Variants in KCTD17 observed in about 807,000 individuals in gnomAD.
KCTD17 encodes the protein potassium channel tetramerization domain containing 17, also known as BTB/POZ domain-containing protein KCTD17.
A neutral mutation model predicts 41.5 loss-of-function variants in KCTD17; 20 were observed. That is an observed-to-expected ratio of 0.48 (90% CI 0.34 to 0.70). KCTD17 has a LOEUF of 0.70. Among genes scored for constraint, KCTD17 ranks in the 30% least tolerant of loss-of-function variants. The pLI is 0.01. For synonymous variants in KCTD17, 156 were observed against 173.8 expected, an observed-to-expected ratio of 0.90 and a Z score of 0.80; for missense variants, 317 against 427.2, an observed-to-expected ratio of 0.74 and a Z score of 2.27.
In KCTD17 at chr22:37,053,371, G is replaced by A. The variant is rs967181930; in HGVS notation, c.298+163G>A. Among the ~76,000 whole-genome samples the A allele has an allele frequency of 1.3e-5, 2 of 152,212 alleles. No individual in the cohort carries two copies. Among genetic ancestry groups the A allele is most frequent in the Admixed American group, 6.5e-5 (1 of 15,286 alleles). On this transcript the variant is annotated intron_variant, in intron 2 of 8. Transcript: ENST00000403888. This position sits in a 1 kb window ranked among gnomAD's most constrained non-coding sequence, Gnocchi z 4.1. Reference sequence around the variant, plus strand: ...TGATTCCCAAGCATCTGCCTGTGCCGAGCCTGGGGCTCTGCCAAGCGGACG... The same window carrying A: ...TGATTCCCAAGCATCTGCCTGTGCCAAGCCTGGGGCTCTGCCAAGCGGACG...
chr22:37,062,110 G>A, intron 8 of KCTD17: 3 of 983,000 alleles, frequency 3.1e-6, no homozygotes, highest in Non-Finnish European at 3.6e-6. Flanking sequence ...CCCTCTCTGG[G>A]CCACAATTGC....
At chr22:37,062,414 C>T in intron 8 of KCTD17, 111 bp from the exon 9 acceptor site, 2 of 1,318,086 alleles carry the variant, frequency 1.5e-6, no homozygotes, top group South Asian at 1.7e-5. Flanking sequence ...CTCTCTCCCT[C>T]TCCCCCACCC....
In KCTD17 at chr22:37,058,300, G is replaced by A. The variant is rs149106452; in HGVS notation, c.486+807G>A. 2.8e-3 allele frequency among the ~76,000 whole-genome samples: 433 copies of A among 152,332 alleles called. 4 individuals carry two copies. Among genetic ancestry groups the A allele is most frequent in the African/African-American group, 1.0e-2 (414 of 41,574 alleles). On this transcript the variant is annotated intron_variant, in intron 4 of 8. Transcript: ENST00000403888. ...AGAATGGGCCTAGTGCAGAGCCAGA[G>A]GCCTGGCTTCACCTCTAGGCCTTGC...
intron 1 of KCTD17, 141 bp from the exon 2 acceptor site, chr22:37,052,959 C>G (rs1277708186): frequency 4.6e-6 from 3 of 654,276 alleles, no homozygotes; most frequent in Non-Finnish European, 8.2e-6. Flanking sequence ...TCCATCTGAC[C>G]CCAGTGCCTT....
chr22:37,056,404 T>G lies in KCTD17; in HGVS notation c.383T>G (p.Val128Gly). Residue 128 changes from valine to glycine, a missense_variant, in exon 3 of 9, where the codon GTC becomes GGC. Coordinates refer to ENST00000403888, the MANE Select transcript of KCTD17 (RefSeq NM_001282684.2). ...CGGATGGAAGAGAAGGACTACACGG[T>G]CACCCAGGTCGGGAGCAGGGGCAGC... is the stretch of plus-strand genomic sequence containing the variant. ...KDRMEEKDYT[V>G]TQVPPKHVYR... The G allele has an allele frequency of 6.2e-7, 1 of 1,613,072 alleles. No homozygotes were observed.
Position 37,061,486 on chromosome 22 carries a change from C to A in KCTD17, c.785-53C>A, listed in dbSNP as rs569043876. 2 of 1,561,836 alleles carry A rather than the reference C, an allele frequency of 1.3e-6. No homozygotes were observed. Among genetic ancestry groups the A allele is most frequent in the East Asian group, 4.6e-5 (2 of 43,016 alleles). On this transcript the variant is annotated intron_variant, in intron 7 of 8. Coordinates refer to ENST00000403888, the MANE Select transcript of KCTD17 (RefSeq NM_001282684.2). This position sits in a 1 kb window ranked among gnomAD's most constrained non-coding sequence, Gnocchi z 6.6. ...TCTGAGACTGGGCCCTGGCTGCAGG[C>A]CCTGCCCCCCCTCCTCTCCTCCCGG... is the stretch of plus-strand genomic sequence containing the variant.
intron 2 of KCTD17, among the ~76,000 whole-genome samples, chr22:37,055,913 A>C (rs931827267): frequency 1.3e-5 from 2 of 152,236 alleles, no homozygotes; most frequent in Non-Finnish European, 2.9e-5. Context: ...CTGAGAATTC[A>C]AAAATGTAAT....
At chr22:37,060,739 G>T (rs1222498832) in intron 5 of KCTD17, 84 bp from the exon 6 acceptor site, 1 of 1,429,204 alleles carries the variant, frequency 7.0e-7, no homozygotes, top group Non-Finnish European at 9.2e-7. Flanking sequence ...CCTGAGACCG[G>T]GTCTTTGGGG....
chr22:37,061,088 C>G lies in KCTD17; in HGVS notation c.713-16C>G. 1.9e-6 allele frequency: 3 copies of G among 1,551,536 alleles called. No individual in the cohort carries two copies. The highest frequency in any genetic ancestry group is 8.7e-7 in the Non-Finnish European group (1 of 1,146,920). ...TCACCCGCATAACCATCCCTTCTCT[C>G]ACTTTCTCTTTGCAGCCCAGTCATC... is the stretch of plus-strand genomic sequence containing the variant. On this transcript the variant is annotated splice_polypyrimidine_tract_variant and intron_variant, in intron 6 of 8. Transcript: ENST00000403888. The surrounding 1 kb of genome is among the most constrained non-coding windows in gnomAD (Gnocchi z 6.6).
In KCTD17 at chr22:37,062,659, G is replaced by T; in HGVS notation, c.*65G>T. ...GAGAAGGAAGAAGCACCCTCTCCCC[G>T]GCCTCCTCTGTCTGCACCCGTGGGG... On this transcript the variant is annotated 3_prime_UTR_variant, in exon 9 of 9. Transcript: ENST00000403888. 2 of 1,564,292 alleles carry T rather than the reference G, an allele frequency of 1.3e-6. No homozygotes were observed.
chr22:37,056,648 T>G (rs1925154400), intron 3 of KCTD17, among the ~76,000 whole-genome samples: 1 of 152,150 alleles, frequency 6.6e-6, no homozygotes, highest in Non-Finnish European at 1.5e-5. Context: ...TGCTGTGTGT[T>G]GGGCCAGGCT....
At chr22:37,056,237 TG>T in intron 2 of KCTD17, 82 bp from the exon 3 acceptor site, 1 of 1,171,920 alleles carries the variant, frequency 8.5e-7, no homozygotes, top group Non-Finnish European at 1.2e-6. Context: ...GAGCGAGAGG[TG>T]GGTTTCGGGG....
At chr22:37,056,550 G>A in intron 3 of KCTD17, 139 bp downstream of exon 3, 1 of 674,920 alleles carries the variant, frequency 1.5e-6, no homozygotes, top group Non-Finnish European at 2.5e-6. Flanking sequence ...GGCCTGTAAG[G>A]AGAGGCATGG....
At chr22:37,059,645 C>A in intron 5 of KCTD17, 1 of 637,046 alleles carries the variant, frequency 1.6e-6, no homozygotes, top group Non-Finnish European at 2.7e-6. Flanking sequence ...ATGAGAGCAT[C>A]CCCAGGGTGC....
At chr22:37,052,059 T>C in intron 1 of KCTD17, 110 bp downstream of exon 1, 1 of 1,110,102 alleles carries the variant, frequency 9.0e-7, no homozygotes, top group Non-Finnish European at 1.1e-6. Context: ...CGGGTTCATT[T>C]CCGAGGAACT....
chr22:37,058,388 G>A (rs1233911006), intron 4 of KCTD17, among the ~76,000 whole-genome samples: 3 of 152,216 alleles, frequency 2.0e-5, no homozygotes, highest in East Asian at 1.9e-4. Flanking sequence ...TTCCCTCATC[G>A]GTGAAGTGGG....
Position 37,051,849 on chromosome 22 carries a change from T to TG in KCTD17, c.95dup (p.Thr33HisfsTer33), listed in dbSNP as rs1421559441. The stretch of plus-strand genomic sequence containing the variant: ...TGGGGCAAGTGGGTGCGGCTCAACG[T>TG]GGGGGGCACGGTGTTCCTGACCACC... On this transcript the variant is annotated frameshift_variant, in exon 1 of 9. Transcript: ENST00000403888. LOFTEE classifies it high-confidence loss of function. 4.8e-6 allele frequency: 7 copies of TG among 1,459,880 alleles called. No individual in the cohort carries two copies. The highest frequency in any genetic ancestry group is 4.5e-5 in the Admixed American group (2 of 44,104). 90.4% of individuals were successfully genotyped at this position (1,459,880 alleles called of 1,614,324 possible). A position where few individuals can be genotyped will look rare whatever the true frequency, so the allele number is the denominator to read the frequency against.
intron 4 of KCTD17, among the ~76,000 whole-genome samples, chr22:37,058,212 C>A (rs1034258700): frequency 2.6e-5 from 4 of 152,238 alleles, no homozygotes; most frequent in African/African-American, 9.6e-5. Flanking sequence ...CCCACACGTT[C>A]CCTGGCACAT....
intron 5 of KCTD17, among the ~76,000 whole-genome samples, chr22:37,060,027 G>A (rs752912726): frequency 5.3e-5 from 8 of 152,278 alleles, no homozygotes; most frequent in Middle Eastern, 3.4e-3. Flanking sequence ...CTGTGTGTCC[G>A]CCTGGCCTGT....
Sources: allele counts gnomAD v4.1 joint callset (sites outside exome capture counted in the v4.1 genomes callset), GRCh38; gene constraint gnomAD v4.1.1; non-coding constraint Gnocchi (gnomAD v3.1); transcripts MANE v1.5; gene names NCBI Gene and HGNC (gene_info 2026-07-23, HGNC 2026-07-21).